Variants in SYN1 observed in about 807,000 individuals in gnomAD.
SYN1 encodes the protein synapsin I, also known as synapsin-1.
A neutral mutation model predicts 44.6 loss-of-function variants in SYN1; 8 were observed. That is an observed-to-expected ratio of 0.18 (90% confidence interval 0.11 to 0.32). The LOEUF (loss-of-function observed/expected upper bound fraction) is 0.32. Ranked by LOEUF, SYN1 falls within the 10% of genes least tolerant of loss-of-function variation. The pLI, the probability that SYN1 is intolerant of heterozygous loss-of-function variation, is 1.00. For synonymous variants in SYN1, 275 were observed against 280.1 expected (o/e 0.98, Z 0.18); for missense variants, 451 against 639.4 (o/e 0.71, Z 3.18).
chrX:47,606,867 G>C, intron 3 of SYN1, 78 bp downstream of exon 3: 2 of 974,698 alleles, frequency 2.1e-6, no homozygotes, highest in Non-Finnish European at 2.9e-6. Flanking sequence ...TGGGTGGGGA[G>C]GTAGGAACTT....
intron 5 of SYN1, among the ~76,000 whole-genome samples, chrX:47,598,381 T>C (rs1352179757): frequency 9.3e-6 from 1 of 107,434 alleles, no homozygotes; most frequent in Non-Finnish European, 1.9e-5. Flanking sequence ...TTAATTGTAA[T>C]ACCCAAGGAA....
chrX:47,598,400 G>GA (rs113657775), intron 5 of SYN1, among the ~76,000 whole-genome samples: 134 of 100,123 alleles, frequency 1.3e-3, no homozygotes, highest in African/African-American at 1.7e-3. Flanking sequence ...AAACAACTAA[G>GA]AAAAAAAAAA....
chrX:47,606,751 A>ATT (rs4066713), intron 3 of SYN1, among the ~76,000 whole-genome samples, 194 bp downstream of exon 3: 129 of 93,212 alleles, frequency 1.4e-3, no homozygotes, highest in African/African-American at 3.6e-3. Context: ...ATATATATAT[A>ATT]TTTTTTTTTA....
At chrX:47,616,490 G>A (rs2057931781) in intron 1 of SYN1, among the ~76,000 whole-genome samples, 1 of 111,872 alleles carries the variant, frequency 8.9e-6, no homozygotes, top group African/African-American at 3.3e-5. Flanking sequence ...GACCTGCATG[G>A]AGGGCTGGAG....
Position 47,574,446 on chromosome X carries a change from G to A in SYN1, c.1538C>T (p.Ser513Leu). 9.5e-7 allele frequency: 1 copy of A among 1,053,139 alleles called. No individual in the cohort carries two copies. Among genetic ancestry groups the A allele is most frequent in the Non-Finnish European group, 1.2e-6 (1 of 825,913 alleles). The allele number at this position is 1,053,139 out of a possible 1,213,427, so 86.8% of individuals were successfully genotyped here. ...CTGGGACGCGGGCTGCTGGGGCGCT[G>A]AGGTGGGACTTGGAAGGCGCTGGGG... ...PLPQRLPSPTSAPQQPASQAA... is the reference protein window; with the variant it reads ...PLPQRLPSPTLAPQQPASQAA... The change falls in exon 12 of 13, where the codon TCA becomes TTA. Residue 513 changes from serine to leucine, a missense_variant. Transcript: ENST00000295987.
rs763902035 is a variant in SYN1 at position 47,577,460 on chromosome X, G to A, written c.816C>T (p.His272=). ...TTYPVVVKMG[H]AHSGMGKVKV... Reference sequence around the variant, plus strand: ...TCACCTTGCCCATCCCAGAGTGTGCGTGCCCCATCTTCACAACCACGGGGT... The same window carrying A: ...TCACCTTGCCCATCCCAGAGTGTGCATGCCCCATCTTCACAACCACGGGGT... Residue 272 remains histidine, a synonymous_variant, in exon 6 of 13, where the codon CAC becomes CAT. Coordinates refer to ENST00000295987, the MANE Select transcript of SYN1 (RefSeq NM_006950.3). The A allele has an allele frequency of 9.1e-6, 11 of 1,205,392 alleles. No homozygotes were observed. In the South Asian group the frequency reaches 1.1e-4, roughly 12 times the overall value.
chrX:47,595,947 A>G (rs5906437), intron 5 of SYN1, among the ~76,000 whole-genome samples: 46,287 of 111,148 alleles, frequency 0.42, 7,287 homozygotes, highest in African/African-American at 0.59. Context: ...TTCAGAAAGC[A>G]TTTTTTCAAG....
intron 5 of SYN1, among the ~76,000 whole-genome samples, chrX:47,594,838 C>A (rs188864158): frequency 2.0e-4 from 22 of 110,501 alleles, no homozygotes; most frequent in Admixed American, 1.6e-3. Context: ...AGCAATTCTC[C>A]TGCCTCAGCC....
intron 5 of SYN1, among the ~76,000 whole-genome samples, chrX:47,588,739 G>A (rs964624429): frequency 1.5e-4 from 17 of 111,752 alleles, no homozygotes; most frequent in African/African-American, 3.9e-4. Flanking sequence ...CCCAGCATTC[G>A]GGGTGTCTGT....
Position 47,592,337 on chromosome X carries a change from CAAATAAAT to C in SYN1, c.774+12633_774+12640del, listed in dbSNP as rs149103285. Among the ~76,000 whole-genome samples, 464 of 98,589 alleles carry C rather than the reference CAAATAAAT, an allele frequency of 4.7e-3. 2 individuals are homozygous for C. Among genetic ancestry groups the C allele is most frequent in the African/African-American group, 0.016 (426 of 27,229 alleles). 85.6% of individuals were successfully genotyped at this position (98,589 alleles called of 115,157 possible). On this transcript the variant is annotated intron_variant, in intron 5 of 12. Coordinates refer to ENST00000295987, the MANE Select transcript of SYN1 (RefSeq NM_006950.3). ...TGGGCAATACAGCAAGATTTTGTCT[CAAATAAAT>C]AAATAAATAAATAAATAAATAAATA...
rs746564152 is a variant in SYN1, at chrX:47,619,465, C to T, written c.264G>A (p.Thr88=). The stretch of plus-strand genomic sequence containing the variant: ...CGCTGAAGGTGGCAGCTGCCGCCGC[C>T]GTGGTCTGCTTGACCGCGTTGGACA... ...SSLSNAVKQT[T]AAAAATFSEQ... is the part of the protein sequence containing the mutation. Residue 88 remains threonine, a synonymous_variant, in exon 1 of 13, where the codon ACG becomes ACA. Coordinates refer to ENST00000295987, the MANE Select transcript of SYN1 (RefSeq NM_006950.3). The T allele has an allele frequency of 9.2e-6, 11 of 1,197,388 alleles. No homozygotes were observed. The highest frequency in any genetic ancestry group is 1.7e-5 in the African/African-American group (1 of 57,392).
chrX:47,604,910 C>T, intron 5 of SYN1, 68 bp downstream of exon 5: 1 of 974,871 alleles, frequency 1.0e-6, no homozygotes, highest in Admixed American at 2.3e-5. Context: ...GATAATATAC[C>T]AATATTTAAT....
intron 1 of SYN1, among the ~76,000 whole-genome samples, chrX:47,613,351 T>C (rs1367408414): frequency 1.8e-5 from 2 of 110,003 alleles, no homozygotes; most frequent in African/African-American, 6.6e-5. Flanking sequence ...AGAGAGAAGC[T>C]ATGTGTGGGG....
At chrX:47,586,212 G>A (rs1203588841) in intron 5 of SYN1, 8 of 751,306 alleles carry the variant, frequency 1.1e-5, no homozygotes, top group African/African-American at 2.4e-5. Flanking sequence ...GCCGCCAACC[G>A]GGTGGGGCCC....
chrX:47,580,945 T>A lies in SYN1; in HGVS notation c.775-3444A>T, dbSNP rs1212604865. ...CAAGACTCTTGTCAAAAAAAAAAAA[T>A]AGATTTAGAGGGTACAGCTGCAGTT... is the stretch of plus-strand genomic sequence containing the variant. On this transcript the variant is annotated intron_variant, in intron 5 of 12. Transcript: ENST00000295987. Among the ~76,000 whole-genome samples the A allele has an allele frequency of 7.7e-5, 8 of 103,797 alleles. No homozygotes were observed. In the Admixed American group the frequency reaches 8.3e-4, roughly 11 times the overall value. 90.1% of individuals were successfully genotyped at this position (103,797 alleles called of 115,157 possible).
chrX:47,604,010 C>T (rs990559571), intron 5 of SYN1, among the ~76,000 whole-genome samples: 30 of 105,077 alleles, frequency 2.9e-4, no homozygotes, highest in African/African-American at 9.0e-4. Context: ...CGGGTTCCAG[C>T]GATTCCCCTG....
rs754330566 is a variant in SYN1, at chrX:47,576,190, G to A, written c.1099C>T (p.Leu367=). ...VDTCSEIFGG[L]DICAVEALHG... ...AGCGCTTCCACTGCGCAGATGTCCAGTCCCCCAAAAATCTCTGAGCACGTG... is the reference window on the plus strand; with the variant it reads ...AGCGCTTCCACTGCGCAGATGTCCAATCCCCCAAAAATCTCTGAGCACGTG... The change falls in exon 9 of 13, where the codon CTG becomes TTG. Residue 367 remains leucine, a synonymous_variant. Coordinates refer to ENST00000295987, the MANE Select transcript of SYN1 (RefSeq NM_006950.3). The A allele has an allele frequency of 8.3e-7, 1 of 1,204,381 alleles. No individual in the cohort carries two copies. The highest frequency in any genetic ancestry group is 1.1e-6 in the Non-Finnish European group (1 of 891,734).
intron 1 of SYN1, among the ~76,000 whole-genome samples, chrX:47,617,860 G>C (rs56703132): frequency 0.078 from 8,640 of 111,275 alleles, 878 homozygotes; most frequent in African/African-American, 0.27. Flanking sequence ...AGGAATAAAT[G>C]CTCACTGGAT....
At chrX:47,608,576 G>C (rs2057907008) in intron 1 of SYN1, among the ~76,000 whole-genome samples, 2 of 110,930 alleles carry the variant, frequency 1.8e-5, no homozygotes, top group South Asian at 3.9e-4. Context: ...AGAGAAGCCA[G>C]TGTAGCTGGC....
Sources: allele counts gnomAD v4.1 joint callset (sites outside exome capture counted in the v4.1 genomes callset), GRCh38; gene constraint gnomAD v4.1.1; transcripts MANE v1.5; gene names NCBI Gene and HGNC (gene_info 2026-07-23, HGNC 2026-07-21).